Variants in RP1 observed in about 807,000 individuals in gnomAD.
RP1 encodes RP1 axonemal microtubule associated.
RP1 carries 16 observed loss-of-function variants against 14.8 expected under a neutral mutation model. That is an observed-to-expected ratio of 1.08 (90% CI 0.73 to 1.65). The LOEUF (loss-of-function observed/expected upper bound fraction) is 1.65. RP1 is among the 40% of genes most tolerant of loss of function. RP1 has a pLI of 0.00. For synonymous variants in RP1, 876 were observed against 883.6 expected, an observed-to-expected ratio of 0.99 and a Z score of 0.15; for missense variants, 2,631 against 2,535.0, an observed-to-expected ratio of 1.04 and a Z score of -0.81.
At chr8:54,860,194 GT>G (rs1349671627) in intron 27 of RP1, among the ~76,000 whole-genome samples, 1 of 152,130 alleles carries the variant, frequency 6.6e-6, no homozygotes, top group African/African-American at 2.4e-5. Context: ...TTTTAAACAT[GT>G]TTACATGGCT....
intron 25 of RP1, among the ~76,000 whole-genome samples, chr8:54,848,624 T>A (rs551769592): frequency 3.6e-4 from 55 of 152,234 alleles, no homozygotes; most frequent in South Asian, 6.2e-4. Context: ...AGAGACTAGA[T>A]CATGATGCAG....
rs545648408 is a variant in RP1, at chr8:54,624,527, C to A, written c.788-143C>A. On this transcript the variant is annotated intron_variant, in intron 3 of 3. Coordinates refer to ENST00000220676, the MANE Select transcript of RP1 (RefSeq NM_006269.2). Reference sequence around the variant, plus strand: ...ATCAGTAACATTTTACTATGAAATACAGAAAATATGCTACTTTTCATACTA... The same window carrying A: ...ATCAGTAACATTTTACTATGAAATAAAGAAAATATGCTACTTTTCATACTA... The A allele has an allele frequency of 1.7e-5, 11 of 661,596 alleles. No individual in the cohort carries two copies. The East Asian group carries it at 3.1e-4, about 19-fold the overall frequency. 41.0% of individuals were successfully genotyped at this position (661,596 alleles called of 1,614,324 possible).
At chr8:54,574,349 C>T (rs769535129) in intron 1 of RP1, among the ~76,000 whole-genome samples, 1 of 152,054 alleles carries the variant, frequency 6.6e-6, no homozygotes, top group South Asian at 2.1e-4. Flanking sequence ...CCATTCCACG[C>T]ATGGCTATTG....
At chr8:54,736,360 G>A (rs1014093481) in intron 18 of RP1, among the ~76,000 whole-genome samples, 1 of 152,136 alleles carries the variant, frequency 6.6e-6, no homozygotes, top group South Asian at 2.1e-4. Flanking sequence ...CAGAAGCCTT[G>A]GAGTCAGAGA....
chr8:54,768,505 T>G (rs891697169), intron 22 of RP1, among the ~76,000 whole-genome samples: 1 of 152,150 alleles, frequency 6.6e-6, no homozygotes, highest in Non-Finnish European at 1.5e-5. Flanking sequence ...AAGTATGTAT[T>G]GAATGGATAG....
chr8:54,753,356 G>A (rs1334010409), intron 19 of RP1, among the ~76,000 whole-genome samples: 1 of 152,208 alleles, frequency 6.6e-6, no homozygotes, highest in East Asian at 1.9e-4. Flanking sequence ...GAGATGGGTA[G>A]GACATGGTTC....
intron 21 of RP1, chr8:54,755,887 T>A: frequency 2.0e-6 from 2 of 1,024,052 alleles, no homozygotes; most frequent in Non-Finnish European, 2.7e-6. Flanking sequence ...AAGACATCTT[T>A]AACACATTTT....
At chr8:54,718,522 A>G (rs1035295381) in intron 15 of RP1, among the ~76,000 whole-genome samples, 6 of 152,212 alleles carry the variant, frequency 3.9e-5, no homozygotes, top group Admixed American at 3.3e-4. Flanking sequence ...TATGCCTACA[A>G]ACGAATCTAG....
At chr8:54,856,458 AT>A (rs1266614329) in intron 26 of RP1, among the ~76,000 whole-genome samples, 1 of 152,220 alleles carries the variant, frequency 6.6e-6, no homozygotes, top group African/African-American at 2.4e-5. Flanking sequence ...GTACATATAC[AT>A]ATTTCAATAC....
chr8:54,654,710 C>T (rs150731300), intron 5 of RP1, among the ~76,000 whole-genome samples: 7 of 152,264 alleles, frequency 4.6e-5, no homozygotes, highest in African/African-American at 4.8e-5. Flanking sequence ...ACCAGTAGCA[C>T]GATCATGGCT....
At chr8:54,834,061 C>A (rs1375022774) in intron 24 of RP1, among the ~76,000 whole-genome samples, 1 of 151,972 alleles carries the variant, frequency 6.6e-6, no homozygotes, top group African/African-American at 2.4e-5. Flanking sequence ...AGCTCAGATC[C>A]TCAAGGAGTT....
intron 3 of RP1, among the ~76,000 whole-genome samples, chr8:54,636,244 T>C (rs2129320797): frequency 6.6e-6 from 1 of 152,192 alleles, no homozygotes; most frequent in East Asian, 1.9e-4. Context: ...GAAAAAACAG[T>C]TTGTTGTGAG....
chr8:54,584,199 T>C (rs1405661959), intron 1 of RP1, among the ~76,000 whole-genome samples: 3 of 152,236 alleles, frequency 2.0e-5, no homozygotes, highest in African/African-American at 2.4e-5. Flanking sequence ...TGGTATGTTG[T>C]GTCTTTGTTC....
chr8:54,630,504 G>T lies in RP1; in HGVS notation c.*151G>T. 6.9e-7 allele frequency: 1 copy of T among 1,452,628 alleles called. No individual in the cohort carries two copies. Among genetic ancestry groups the T allele is most frequent in the Non-Finnish European group, 9.0e-7 (1 of 1,108,750 alleles). 90.0% of individuals were successfully genotyped at this position (1,452,628 alleles called of 1,614,324 possible). ...AAGCTTACCCTTGGATAACCAGTTT[G>T]ACTTTCATAATGTCTCTGTTTTTTG... On this transcript the variant is annotated 3_prime_UTR_variant, in exon 4 of 4. Transcript: ENST00000220676.
intron 23 of RP1, among the ~76,000 whole-genome samples, chr8:54,778,514 G>A (rs1259139551): frequency 5.9e-5 from 9 of 151,874 alleles, no homozygotes; most frequent in East Asian, 1.9e-4. Flanking sequence ...TAGTAGAGAC[G>A]GAGTTTCACC....
chr8:54,851,214 G>T (rs192234723), intron 25 of RP1, among the ~76,000 whole-genome samples: 179 of 152,312 alleles, frequency 1.2e-3, no homozygotes, highest in African/African-American at 3.9e-3. Flanking sequence ...CATTAGGGCC[G>T]TGTGATGGTT....
chr8:54,779,283 C>G lies in RP1; in HGVS notation c.3452-4264C>G, dbSNP rs563920979. ...TCTGTCAAGGTAAGAGTCATGGGAA[C>G]ACGTTTGCTGTCCAATGAGGCAAAG... On this transcript the variant is annotated intron_variant, in intron 23 of 28. Coordinates refer to the RP1 transcript ENST00000637698. 2.6e-5 allele frequency among the ~76,000 whole-genome samples: 4 copies of G among 152,272 alleles called. No homozygotes were observed. In the South Asian group the frequency reaches 8.3e-4, roughly 32 times the overall value.
chr8:54,615,629 T>C (rs1052052223), upstream of RP1, among the ~76,000 whole-genome samples: 10 of 152,210 alleles, frequency 6.6e-5, no homozygotes, highest in Admixed American at 5.2e-4. Flanking sequence ...CACCAAATTG[T>C]GTACGTTCAC....
At chr8:54,835,958 A>G (rs749625826) in intron 24 of RP1, among the ~76,000 whole-genome samples, 1 of 152,178 alleles carries the variant, frequency 6.6e-6, no homozygotes, top group Non-Finnish European at 1.5e-5. Context: ...TAGAATTCCT[A>G]TAATCACATT....
Sources: allele counts gnomAD v4.1 joint callset (sites outside exome capture counted in the v4.1 genomes callset), GRCh38; gene constraint gnomAD v4.1.1; transcripts MANE v1.5; gene names NCBI Gene and HGNC (gene_info 2026-07-23, HGNC 2026-07-21).